Variants in RPH3A observed in about 807,000 individuals in gnomAD.
The protein encoded by RPH3A is rabphilin 3A, also known as rabphilin-3A.
A neutral mutation model predicts 102.2 loss-of-function variants in RPH3A; 48 were observed. That is an observed-to-expected ratio of 0.47 (90% CI 0.37 to 0.60). The LOEUF (loss-of-function observed/expected upper bound fraction) is 0.60, where lower values mean the gene tolerates loss of function less well. Ranked by LOEUF, RPH3A falls within the 20% of genes least tolerant of loss-of-function variation. The probability of loss-of-function intolerance (pLI) is 0.00; values close to 1 mark genes in which losing one functional copy is unlikely to be tolerated. For missense variants in RPH3A, 781 were observed against 910.1 expected (o/e 0.86, Z 1.83); for synonymous variants, 310 against 324.3 (o/e 0.96, Z 0.47).
chr12:112,869,685 T>C, intron 8 of RPH3A, 74 bp from the exon 9 acceptor site: 3 of 1,443,874 alleles, frequency 2.1e-6, no homozygotes, highest in African/African-American at 1.4e-5. Flanking sequence ...AACCCCTTTG[T>C]AGGCTTCTTA....
chr12:112,837,352 C>G (rs1190744113), intron 4 of RPH3A, among the ~76,000 whole-genome samples: 1 of 152,084 alleles, frequency 6.6e-6, no homozygotes, highest in Non-Finnish European at 1.5e-5. Context: ...CTTAACCAAA[C>G]AAAGTTAGAT....
intron 1 of RPH3A, among the ~76,000 whole-genome samples, chr12:112,781,632 C>A (rs2041008269): frequency 6.6e-6 from 1 of 152,282 alleles, no homozygotes; most frequent in South Asian, 2.1e-4. Flanking sequence ...AGAGTAAGAA[C>A]CTCTCACCCA....
At chr12:112,843,974 A>T in intron 4 of RPH3A, among the ~76,000 whole-genome samples, 1 of 152,160 alleles carries the variant, frequency 6.6e-6, no homozygotes, top group East Asian at 1.9e-4. Flanking sequence ...ATATTGGCAC[A>T]CCAAATGGAA....
chr12:112,674,698 A>G (rs1472467804), intron 1 of RPH3A, among the ~76,000 whole-genome samples: 1 of 152,196 alleles, frequency 6.6e-6, no homozygotes, highest in Non-Finnish European at 1.5e-5. Context: ...CCAGGGATCC[A>G]TCAAGATATC....
chr12:112,868,541 G>A lies in RPH3A; in HGVS notation c.556G>A (p.Ala186Thr). Residue 186 changes from alanine to threonine, a missense_variant, in exon 8 of 22, where the codon GCC becomes ACC. Transcript: ENST00000389385. Reference protein sequence around the residue: ...KPQQPVSEPAAPEQPAPEPKH... With the variant: ...KPQQPVSEPATPEQPAPEPKH... ...CCAGCAGCCTGTCAGTGAGCCTGCT[G>A]CCCCTGAACAGCCTGCTCCTGAGCC... is the stretch of plus-strand genomic sequence containing the variant. 6.2e-7 allele frequency: 1 copy of A among 1,614,150 alleles called. No homozygotes were observed. The highest frequency in any genetic ancestry group is 8.5e-7 in the Non-Finnish European group (1 of 1,180,014).
intron 1 of RPH3A, among the ~76,000 whole-genome samples, chr12:112,764,452 G>T (rs1022134162): frequency 6.6e-6 from 1 of 152,104 alleles, no homozygotes; most frequent in Non-Finnish European, 1.5e-5. Flanking sequence ...GACCTTTGAA[G>T]GTATAAGACT....
At chr12:112,578,309 A>G (rs574248431) in intron 1 of RPH3A, among the ~76,000 whole-genome samples, 83 of 152,328 alleles carry the variant, frequency 5.4e-4, no homozygotes, top group African/African-American at 1.5e-3. Context: ...AAAGCTTTCA[A>G]GAGTATGAGT....
chr12:112,631,905 G>T lies in RPH3A; in HGVS notation c.-140+56586G>T, dbSNP rs149903574. Reference sequence around the variant, plus strand: ...CATATGGTGAAGTCTTGGCTTTTTAGTGTATCTGTTGCTTGAATAATATGC... The same window carrying T: ...CATATGGTGAAGTCTTGGCTTTTTATTGTATCTGTTGCTTGAATAATATGC... On this transcript the variant is annotated intron_variant, in intron 1 of 21. Transcript: ENST00000543106. Among the ~76,000 whole-genome samples the T allele has an allele frequency of 1.4e-3, 207 of 152,256 alleles. 2 individuals are homozygous for T. The highest frequency in any genetic ancestry group is 4.9e-3 in the African/African-American group (203 of 41,542).
At chr12:112,793,308 C>G (rs1299781312) in intron 2 of RPH3A, among the ~76,000 whole-genome samples, 1 of 152,218 alleles carries the variant, frequency 6.6e-6, no homozygotes, top group African/African-American at 2.4e-5. Flanking sequence ...GAAATGAATG[C>G]CCTTGTTTTT....
rs2039403898 is a variant in RPH3A at position 112,581,944 on chromosome 12, C to T, written c.-140+6625C>T. ...ATGACCTCTAATGTTTTTCCCAGAT[C>T]TAAGATTCCTTGACACACCTACCAA... On this transcript the variant is annotated intron_variant, in intron 1 of 21. Transcript: ENST00000543106. Among the ~76,000 whole-genome samples the T allele has an allele frequency of 1.4e-5, 2 of 147,662 alleles. 1 individual carries two copies. Among genetic ancestry groups the T allele is most frequent in the South Asian group, 5.1e-4 (2 of 3,900 alleles).
chr12:112,883,632 T>G (rs2042961252), intron 16 of RPH3A, among the ~76,000 whole-genome samples: 1 of 152,062 alleles, frequency 6.6e-6, no homozygotes, highest in Non-Finnish European at 1.5e-5. Context: ...TATCTGTTCG[T>G]TCAGGGGGTG....
chr12:112,825,987 G>A (rs1012215107), intron 2 of RPH3A, among the ~76,000 whole-genome samples: 1 of 152,074 alleles, frequency 6.6e-6, no homozygotes, highest in Non-Finnish European at 1.5e-5. Flanking sequence ...GTGCAGGTCT[G>A]TCACTCAGGT....
chr12:112,783,736 A>G (rs2041025135), intron 1 of RPH3A, among the ~76,000 whole-genome samples: 1 of 152,106 alleles, frequency 6.6e-6, no homozygotes, highest in South Asian at 2.1e-4. Flanking sequence ...AGGTAAAGTG[A>G]CTCACCCAAG....
chr12:112,858,749 G>T (rs927806108), intron 5 of RPH3A, among the ~76,000 whole-genome samples: 35 of 152,228 alleles, frequency 2.3e-4, no homozygotes, highest in African/African-American at 8.0e-4. Context: ...TGAGTGAATA[G>T]CCCATCTGCC....
At position 112,868,613 on chromosome 12, in the gene RPH3A, C is replaced by A; in HGVS notation, c.610+18C>A. The A allele has an allele frequency of 6.2e-7, 1 of 1,611,220 alleles. No homozygotes were observed. The highest frequency in any genetic ancestry group is 8.5e-7 in the Non-Finnish European group (1 of 1,178,550). ...AGCTCGAGGTAGGACAAAACAGGTG[C>A]TTCTTTCAGGACCAAGGACAGATCT... is the stretch of plus-strand genomic sequence containing the variant. On this transcript the variant is annotated intron_variant, in intron 8 of 21. Coordinates refer to ENST00000389385, the MANE Select transcript of RPH3A (RefSeq NM_001143854.2).
At chr12:112,664,541 C>T (rs146326319) in intron 1 of RPH3A, among the ~76,000 whole-genome samples, 11 of 152,164 alleles carry the variant, frequency 7.2e-5, no homozygotes, top group East Asian at 5.8e-4. Flanking sequence ...TACTAGAAGC[C>T]TGGAAGAGGT....
intron 2 of RPH3A, among the ~76,000 whole-genome samples, chr12:112,812,482 T>A (rs995564347): frequency 6.6e-6 from 1 of 152,032 alleles, no homozygotes; most frequent in Admixed American, 6.5e-5. Flanking sequence ...CAGATGAGAG[T>A]TGAGCTAGGA....
rs1830786085 is a variant in RPH3A, at chr12:112,578,399, T to C, written c.-140+3080T>C. Among the ~76,000 whole-genome samples the C allele has an allele frequency of 2.0e-5, 3 of 152,240 alleles. No homozygotes were observed. In the South Asian group the frequency reaches 6.2e-4, roughly 32 times the overall value. On this transcript the variant is annotated intron_variant, in intron 1 of 21. Transcript: ENST00000543106. Reference sequence around the variant, plus strand: ...GGGGCAAAACTATAATTCCAGCAACTAATAATGAGTCTTCAAAAAGCAACA... The same window carrying C: ...GGGGCAAAACTATAATTCCAGCAACCAATAATGAGTCTTCAAAAAGCAACA...
intron 1 of RPH3A, among the ~76,000 whole-genome samples, chr12:112,609,014 T>C (rs78946945): frequency 0.018 from 2,759 of 152,302 alleles, 92 homozygotes; most frequent in African/African-American, 0.063. Flanking sequence ...GTTTCAAGTA[T>C]ACAATAAATA....
Sources: gnomAD v4.1 joint callset for allele counts (sites outside exome capture counted in the v4.1 genomes callset) on GRCh38, gnomAD v4.1.1 for gene constraint, MANE v1.5 for transcripts, NCBI Gene and HGNC (gene_info 2026-07-23, HGNC 2026-07-21) for gene names.